Variants in DIP2C observed in about 807,000 individuals in gnomAD.
The protein encoded by DIP2C is DIP2 acetate--CoA ligase C (putative).
Under a neutral mutation model 192.4 loss-of-function variants are expected in DIP2C, and 33 were observed. That is an observed-to-expected ratio of 0.17 (90% confidence interval 0.13 to 0.23). The LOEUF (loss-of-function observed/expected upper bound fraction) is 0.23. Ranked by LOEUF, DIP2C falls within the 10% of genes least tolerant of loss-of-function variation. The pLI, the probability that DIP2C is intolerant of heterozygous loss-of-function variation, is 1.00. For missense variants in DIP2C, 1,537 were observed against 2,110.1 expected, an observed-to-expected ratio of 0.73 and a Z score of 5.32; for synonymous variants, 979 against 864.1, an observed-to-expected ratio of 1.13 and a Z score of -2.33.
intron 1 of DIP2C, among the ~76,000 whole-genome samples, chr10:673,475 G>A (rs1217255603): frequency 6.6e-6 from 1 of 152,114 alleles, no homozygotes; most frequent in Admixed American, 6.5e-5. Context: ...TCTAAATATT[G>A]CTCTTCATCC....
intron 15 of DIP2C, 127 bp from the exon 16 acceptor site, chr10:384,273 T>A: frequency 1.6e-4 from 3 of 18,380 alleles, no homozygotes; most frequent in East Asian, 1.4e-3. Flanking sequence ...CCACAAACCT[T>A]TTTTTTTTTT....
intron 1 of DIP2C, among the ~76,000 whole-genome samples, chr10:622,778 C>G (rs1853953385): frequency 6.6e-6 from 1 of 152,122 alleles, no homozygotes; most frequent in Admixed American, 6.5e-5. Flanking sequence ...GCTTCTAACT[C>G]CAGGTGGGAA....
chr10:551,856 T>TA (rs1222408679), intron 1 of DIP2C, among the ~76,000 whole-genome samples: 2 of 152,224 alleles, frequency 1.3e-5, no homozygotes, highest in Non-Finnish European at 2.9e-5. Context: ...TGGACTCCCC[T>TA]AGGCCGCTCA....
chr10:291,682 C>T (rs1343789956), intron 32 of DIP2C, among the ~76,000 whole-genome samples: 1 of 152,178 alleles, frequency 6.6e-6, no homozygotes, highest in Non-Finnish European at 1.5e-5. Flanking sequence ...GTGTGCTGCT[C>T]GGTGCTGACT....
Position 363,491 on chromosome 10 carries a change from C to T in DIP2C, c.2478-180G>A, listed in dbSNP as rs892907041. ...TCAGTACGGGAAGAACTGTGGGAGG[C>T]GCCCAGGGATGCTGCCGAGGCAAGG... is the stretch of plus-strand genomic sequence containing the variant. On this transcript the variant is annotated intron_variant, in intron 20 of 36. Transcript: ENST00000280886. This position sits in a 1 kb window ranked among gnomAD's most constrained non-coding sequence, Gnocchi z 5.4. Among the ~76,000 whole-genome samples, 7 of 152,172 alleles carry T rather than the reference C, an allele frequency of 4.6e-5. No individual in the cohort carries two copies. Among genetic ancestry groups the T allele is most frequent in the African/African-American group, 1.7e-4 (7 of 41,432 alleles).
At chr10:364,222 C>CA in intron 20 of DIP2C, 152 bp downstream of exon 20, 1 of 810,774 alleles carries the variant, frequency 1.2e-6, no homozygotes, top group Non-Finnish European at 1.9e-6. Context: ...GATTAAATCT[C>CA]AGAGGTCAGA....
intron 36 of DIP2C, among the ~76,000 whole-genome samples, chr10:279,238 C>T (rs1322948571): frequency 2.0e-5 from 3 of 152,156 alleles, no homozygotes; most frequent in African/African-American, 7.2e-5. Context: ...TAAAATGTTG[C>T]TCTACATGGC....
chr10:548,291 T>C (rs993032400), intron 1 of DIP2C, among the ~76,000 whole-genome samples: 2 of 129,384 alleles, frequency 1.5e-5, no homozygotes, highest in African/African-American at 5.9e-5. Flanking sequence ...CTCTCTGGAG[T>C]TGTCGCCCAG....
chr10:616,320 CTG>C (rs1853468900), intron 1 of DIP2C, among the ~76,000 whole-genome samples: 1 of 152,236 alleles, frequency 6.6e-6, no homozygotes, highest in Admixed American at 6.5e-5. Flanking sequence ...AAACTTTAAT[CTG>C]TGTTTATTGT....
At chr10:538,290 A>G (rs1238942304) in intron 1 of DIP2C, among the ~76,000 whole-genome samples, 1 of 152,040 alleles carries the variant, frequency 6.6e-6, no homozygotes, top group Non-Finnish European at 1.5e-5. Context: ...CCAAGTAGCT[A>G]GGACTACAGG....
At chr10:570,733 A>T (rs573064560) in intron 1 of DIP2C, among the ~76,000 whole-genome samples, 10 of 152,242 alleles carry the variant, frequency 6.6e-5, no homozygotes, top group Non-Finnish European at 1.3e-4. Context: ...CTTTGTAGAT[A>T]AGTCCACAAC....
chr10:422,038 TGA>T (rs1004629031), intron 5 of DIP2C, among the ~76,000 whole-genome samples: 1 of 120,270 alleles, frequency 8.3e-6, no homozygotes, highest in African/African-American at 3.3e-5. Flanking sequence ...TTCCCACTGA[TGA>T]TTTTTTCAGG....
chr10:433,576 G>A (rs1966937420), intron 4 of DIP2C, among the ~76,000 whole-genome samples: 1 of 152,188 alleles, frequency 6.6e-6, no homozygotes, highest in Admixed American at 6.5e-5. Context: ...AGCTACTCGG[G>A]AGGCTGAGGC....
intron 1 of DIP2C, among the ~76,000 whole-genome samples, chr10:551,807 G>A (rs932840506): frequency 6.6e-6 from 1 of 152,184 alleles, no homozygotes; most frequent in East Asian, 1.9e-4. Flanking sequence ...CAGGCTCTGG[G>A]GTTCAACCTC....
Position 348,515 on chromosome 10 carries a change from T to C in DIP2C, c.3231+126A>G, listed in dbSNP as rs1024790695. ...CAGGTAGAGACCCTGTCCTGACCGT[T>C]TGACTCCAGACACACCCCGGCTTCC... On this transcript the variant is annotated intron_variant, in intron 26 of 36. Transcript: ENST00000280886. The C allele has an allele frequency of 2.0e-6, 3 of 1,464,766 alleles. No individual in the cohort carries two copies. In the African/African-American group the frequency reaches 4.2e-5, roughly 21 times the overall value. 90.7% of individuals were successfully genotyped at this position (1,464,766 alleles called of 1,614,324 possible). A position where few individuals can be genotyped will look rare whatever the true frequency, so the allele number is the denominator to read the frequency against.
intron 7 of DIP2C, among the ~76,000 whole-genome samples, chr10:414,777 G>GTA (rs745908211): frequency 0.019 from 2,275 of 120,422 alleles, 71 homozygotes; most frequent in Middle Eastern, 0.033. Flanking sequence ...TATATAATGT[G>GTA]TATATATATA....
intron 1 of DIP2C, among the ~76,000 whole-genome samples, chr10:518,887 T>C (rs1382870879): frequency 6.6e-6 from 1 of 152,198 alleles, no homozygotes; most frequent in Non-Finnish European, 1.5e-5. Context: ...AGGAGGATCA[T>C]TTTAGACCAG....
intron 1 of DIP2C, among the ~76,000 whole-genome samples, chr10:598,766 G>C (rs1009173494): frequency 1.3e-5 from 2 of 152,218 alleles, no homozygotes; most frequent in Admixed American, 6.5e-5. Flanking sequence ...TTTGGCATCT[G>C]AATGTGGTCT....
At chr10:442,166 T>G (rs1967793113) in intron 3 of DIP2C, among the ~76,000 whole-genome samples, 1 of 152,126 alleles carries the variant, frequency 6.6e-6, no homozygotes, top group African/African-American at 2.4e-5. Context: ...GAAGACGGGT[T>G]GGGGGAAAGG....
Sources: allele counts gnomAD v4.1 joint callset (sites outside exome capture counted in the v4.1 genomes callset), GRCh38; gene constraint gnomAD v4.1.1; non-coding constraint Gnocchi (gnomAD v3.1); transcripts MANE v1.5; gene names NCBI Gene and HGNC (gene_info 2026-07-23, HGNC 2026-07-21).